Variants in ABTB3 observed in about 807,000 individuals in gnomAD.
The protein encoded by ABTB3 is ankyrin repeat and BTB domain containing 3, also known as ankyrin repeat- and BTB/POZ domain-containing protein 3.
the ABTB3 span, chr12:107,612,713 G>A: frequency 1.4e-6 from 2 of 1,408,152 alleles, no homozygotes; most frequent in Non-Finnish European, 2.0e-6. Flanking sequence ...TTCTCCATTT[G>A]TTATTGTCGA....
At chr12:107,555,855 C>G in the ABTB3 span, among the ~76,000 whole-genome samples, 14 of 152,258 alleles carry the variant, frequency 9.2e-5, no homozygotes, top group African/African-American at 3.4e-4. Flanking sequence ...GAAAAACAGA[C>G]TGAAAATCCC....
At chr12:107,594,536 A>G in the ABTB3 span, among the ~76,000 whole-genome samples, 1 of 152,168 alleles carries the variant, frequency 6.6e-6, no homozygotes, top group Non-Finnish European at 1.5e-5. Context: ...ATATAATTTT[A>G]TCTTTCTTTC....
At chr12:107,353,198 C>T in the ABTB3 span, among the ~76,000 whole-genome samples, 1 of 152,162 alleles carries the variant, frequency 6.6e-6, no homozygotes, top group Non-Finnish European at 1.5e-5. Flanking sequence ...TTCATGATAC[C>T]CTGATGCTCA....
At chr12:107,501,804 T>A in the ABTB3 span, among the ~76,000 whole-genome samples, 1 of 152,056 alleles carries the variant, frequency 6.6e-6, no homozygotes, top group Admixed American at 6.6e-5. Flanking sequence ...AGAGCGTCCA[T>A]AGGTGGGGAA....
the ABTB3 span, among the ~76,000 whole-genome samples, chr12:107,347,803 A>G: frequency 4.6e-5 from 7 of 152,174 alleles, no homozygotes; most frequent in African/African-American, 1.7e-4. Context: ...CCTGCCAAAA[A>G]GCATGTGCAA....
the ABTB3 span, among the ~76,000 whole-genome samples, chr12:107,632,880 C>G: frequency 6.6e-6 from 1 of 152,204 alleles, no homozygotes; most frequent in Non-Finnish European, 1.5e-5. Context: ...GTGTGGTTAC[C>G]TGAGTCCCCT....
the ABTB3 span, among the ~76,000 whole-genome samples, chr12:107,420,199 A>G: frequency 6.6e-6 from 1 of 152,096 alleles, no homozygotes; most frequent in Admixed American, 6.5e-5. Context: ...ATTTCCGATG[A>G]TGTCCTTCTT....
chr12:107,606,256 T>C, the ABTB3 span, among the ~76,000 whole-genome samples: 1 of 152,216 alleles, frequency 6.6e-6, no homozygotes, highest in Non-Finnish European at 1.5e-5. Flanking sequence ...CTTGTTGTGA[T>C]GGTTTGAGTT....
chr12:107,475,639 C>CTG, the ABTB3 span, among the ~76,000 whole-genome samples: 1 of 152,286 alleles, frequency 6.6e-6, no homozygotes, highest in Non-Finnish European at 1.5e-5. Context: ...CTGGGCTCAG[C>CTG]TGAAAGGTCA....
chr12:107,468,492 G>A, the ABTB3 span, among the ~76,000 whole-genome samples: 4 of 152,138 alleles, frequency 2.6e-5, no homozygotes, highest in South Asian at 4.2e-4. Context: ...AGCTGGGCAC[G>A]GGAGACTTTG....
the ABTB3 span, among the ~76,000 whole-genome samples, chr12:107,477,770 C>T: frequency 1.3e-5 from 2 of 152,032 alleles, no homozygotes; most frequent in Non-Finnish European, 2.9e-5. Context: ...AGTGAAGACA[C>T]AAAAATAAGC....
At chr12:107,476,354 G>A in the ABTB3 span, among the ~76,000 whole-genome samples, 1 of 152,118 alleles carries the variant, frequency 6.6e-6, no homozygotes, top group South Asian at 2.1e-4. Context: ...AAAGCCGAAG[G>A]TGAGCATCTC....
the ABTB3 span, among the ~76,000 whole-genome samples, chr12:107,371,931 G>T: frequency 2.2e-4 from 34 of 152,210 alleles, no homozygotes; most frequent in South Asian, 6.9e-3. Flanking sequence ...GATGAGAATC[G>T]GCATGTGAGA....
At chr12:107,437,773 A>G in the ABTB3 span, among the ~76,000 whole-genome samples, 1 of 152,234 alleles carries the variant, frequency 6.6e-6, no homozygotes, top group South Asian at 2.1e-4. Context: ...CACCTGGGTA[A>G]TCTCAAAATC....
chr12:107,416,254 A>T, the ABTB3 span, among the ~76,000 whole-genome samples: 1 of 152,192 alleles, frequency 6.6e-6, no homozygotes, highest in Non-Finnish European at 1.5e-5. Flanking sequence ...TGAAGCATCA[A>T]GACCTGGCAC....
the ABTB3 span, among the ~76,000 whole-genome samples, chr12:107,644,731 C>T: frequency 3.3e-5 from 5 of 152,266 alleles, no homozygotes; most frequent in South Asian, 8.3e-4. Context: ...CCTCCTCCCA[C>T]CCTTTACCCT....
chr12:107,369,242 T>G, the ABTB3 span, among the ~76,000 whole-genome samples: 1 of 152,204 alleles, frequency 6.6e-6, no homozygotes, highest in South Asian at 2.1e-4. Context: ...CACATTTAGG[T>G]TTTTCATCCA....
chr12:107,515,442 C>A, the ABTB3 span, among the ~76,000 whole-genome samples: 35,004 of 152,122 alleles, frequency 0.23, 4,230 homozygotes, highest in African/African-American at 0.29. Flanking sequence ...AGAGGGTCTC[C>A]TTACCCTGAA....
At chr12:107,319,220 C>A in the ABTB3 span, 5 of 1,580,492 alleles carry the variant, frequency 3.2e-6, no homozygotes, top group Non-Finnish European at 4.3e-6. Flanking sequence ...GCTGCCGGAC[C>A]TAGACGAGGT....
Sources: gnomAD v4.1 joint callset for allele counts (sites outside exome capture counted in the v4.1 genomes callset) on GRCh38, gnomAD v4.1.1 for gene constraint, MANE v1.5 for transcripts, NCBI Gene and HGNC (gene_info 2026-07-23, HGNC 2026-07-21) for gene names.